Variants in PCDHGA7 observed in about 807,000 individuals in gnomAD.
PCDHGA7 encodes the protein protocadherin gamma-A7.
Under a neutral mutation model 58.3 loss-of-function variants are expected in PCDHGA7, and 44 were observed. That is an observed-to-expected ratio of 0.75 (90% CI 0.59 to 0.97). The LOEUF is 0.97. Among genes scored for constraint, PCDHGA7 ranks in the 50% least tolerant of loss-of-function variants. The pLI is 0.00. For synonymous variants in PCDHGA7, 516 were observed against 504.2 expected, an observed-to-expected ratio of 1.02 and a Z score of -0.31; for missense variants, 1,266 against 1,188.7, an observed-to-expected ratio of 1.06 and a Z score of -0.96.
intron 1 of PCDHGA7, chr5:141,423,640 T>C: frequency 6.3e-7 from 1 of 1,597,848 alleles, no homozygotes; most frequent in Non-Finnish European, 8.5e-7. Flanking sequence ...TTTAGGCAAA[T>C]GTGACCCGAC....
chr5:141,436,519 C>A (rs770168763), intron 1 of PCDHGA7, among the ~76,000 whole-genome samples: 2 of 152,140 alleles, frequency 1.3e-5, no homozygotes, highest in African/African-American at 2.4e-5. Context: ...TTAACTGTGT[C>A]ACCTTTAGCA....
Position 141,383,433 on chromosome 5 carries a change from C to T in PCDHGA7, c.534C>T (p.Phe178=). ...ACCAGCTCAGCCCCAATCGCCACTT[C>T]TCCCTGGCTGTGCAAAGTGGAGACG... ...QSYQLSPNRH[F]SLAVQSGDDE... is the part of the protein sequence containing the mutation. The change falls in exon 1 of 4, where the codon TTC becomes TTT. Residue 178 remains phenylalanine (F), a synonymous_variant. Coordinates refer to ENST00000518325, the MANE Select transcript of PCDHGA7 (RefSeq NM_018920.4). The T allele has an allele frequency of 6.2e-7, 1 of 1,613,986 alleles. No individual in the cohort carries two copies. The highest frequency in any genetic ancestry group is 2.2e-5 in the East Asian group (1 of 44,876).
Position 141,385,309 on chromosome 5 carries a change from C to G in PCDHGA7, c.2410C>G (p.Leu804Val), listed in dbSNP as rs774342510. 6.2e-7 allele frequency: 1 copy of G among 1,612,276 alleles called. No individual in the cohort carries two copies. Among genetic ancestry groups the G allele is most frequent in the South Asian group, 1.1e-5 (1 of 90,790 alleles). The change falls in exon 1 of 4, where the codon CTG becomes GTG. Residue 804 changes from leucine (L) to valine (V), a missense_variant. By Grantham distance (32) the Leu-to-Val change is conservative. Coordinates refer to ENST00000518325, the MANE Select transcript of PCDHGA7 (RefSeq NM_018920.4). The stretch of plus-strand genomic sequence containing the variant: ...AGATTTTCAGGAATGTAAAGAAAAC[C>G]TGCCAAGTATTCAGGTGAGCCCAGC... Reference protein sequence around the residue: ...SVDFQECKENLPSIQQAPPNT... With the variant: ...SVDFQECKENVPSIQQAPPNT...
Position 141,489,213 on chromosome 5 carries a change from T to G in PCDHGA7, c.2425-5594T>G, listed in dbSNP as rs372898969. 11 of 1,473,392 alleles carry G rather than the reference T, an allele frequency of 7.5e-6. No homozygotes were observed. The highest frequency in any genetic ancestry group is 6.4e-6 in the Non-Finnish European group (7 of 1,091,332). 91.3% of individuals were successfully genotyped at this position (1,473,392 alleles called of 1,614,324 possible). On this transcript the variant is annotated intron_variant, in intron 1 of 3. Coordinates refer to ENST00000518325, the MANE Select transcript of PCDHGA7 (RefSeq NM_018920.4). This position sits in a 1 kb window ranked among gnomAD's most constrained non-coding sequence, Gnocchi z 4.5. Reference sequence around the variant, plus strand: ...ACCTTGGAGACAGGACAGCACAGACTTACTCTCCACAAAGGGACTTCTGGG... The same window carrying G: ...ACCTTGGAGACAGGACAGCACAGACGTACTCTCCACAAAGGGACTTCTGGG...
At chr5:141,418,057 G>A (rs2096216088) in intron 1 of PCDHGA7, 2 of 1,614,050 alleles carry the variant, frequency 1.2e-6, no homozygotes, top group East Asian at 4.5e-5. Context: ...CTCGCGAGCT[G>A]CGAGTGAGCG....
chr5:141,410,349 G>A, intron 1 of PCDHGA7: 1 of 1,613,994 alleles, frequency 6.2e-7, no homozygotes, highest in Non-Finnish European at 8.5e-7. Flanking sequence ...TTGCGCCTGC[G>A]ACGCTCTCTC....
chr5:141,388,871 C>G, intron 1 of PCDHGA7: 1 of 1,613,930 alleles, frequency 6.2e-7, no homozygotes, highest in Non-Finnish European at 8.5e-7. Flanking sequence ...TTGCGCAATG[C>G]ACAGTGGAGG....
At position 141,476,946 on chromosome 5, in the gene PCDHGA7, G is replaced by A; in HGVS notation, c.2425-17861G>A. ...ACGGATCTGGATGAAGGCCCCAACG[G>A]TGAAATTATTTACTCCTTCGGCAGC... On this transcript the variant is annotated intron_variant, in intron 1 of 3. Transcript: ENST00000518325. The surrounding 1 kb of genome is among the most constrained non-coding windows in gnomAD (Gnocchi z 7.6). The A allele has an allele frequency of 6.2e-7, 1 of 1,614,206 alleles. No individual in the cohort carries two copies. Among genetic ancestry groups the A allele is most frequent in the Non-Finnish European group, 8.5e-7 (1 of 1,180,044 alleles).
At position 141,393,369 on chromosome 5, in the gene PCDHGA7, G is replaced by A. The variant is rs748036677; in HGVS notation, c.2424+8046G>A. 19 of 1,613,962 alleles carry A rather than the reference G, an allele frequency of 1.2e-5. No homozygotes were observed. In the South Asian group the frequency reaches 2.0e-4, roughly 17 times the overall value. Reference sequence around the variant, plus strand: ...CTTCTCCCTGGACGTGCAGACTGGAGACAATGGAGCCATAAACCCAGAGCT... The same window carrying A: ...CTTCTCCCTGGACGTGCAGACTGGAAACAATGGAGCCATAAACCCAGAGCT... On this transcript the variant is annotated intron_variant, in intron 1 of 3. Coordinates refer to ENST00000518325, the MANE Select transcript of PCDHGA7 (RefSeq NM_018920.4).
chr5:141,456,122 C>A (rs1411002229), intron 1 of PCDHGA7, among the ~76,000 whole-genome samples: 1 of 152,176 alleles, frequency 6.6e-6, no homozygotes, highest in East Asian at 1.9e-4. Context: ...TGGTCTCCAT[C>A]TCCTGACCTC....
chr5:141,443,650 CA>C (rs2098397782), intron 1 of PCDHGA7, among the ~76,000 whole-genome samples: 1 of 152,150 alleles, frequency 6.6e-6, no homozygotes. Flanking sequence ...ATAATGTTAG[CA>C]TAGCATTTTA....
rs182682202 is a variant in PCDHGA7 at position 141,445,418 on chromosome 5, T to A, written c.2425-49389T>A. Among the ~76,000 whole-genome samples the A allele has an allele frequency of 2.2e-3, 335 of 152,310 alleles. 1 individual carries two copies. Among genetic ancestry groups the A allele is most frequent in the Middle Eastern group, 0.01 (3 of 294 alleles). Reference sequence around the variant, plus strand: ...ACAAATATTTATTAACTGTCTGCTATATGCAAGGCACTGACCTATGGACTA... The same window carrying A: ...ACAAATATTTATTAACTGTCTGCTAAATGCAAGGCACTGACCTATGGACTA... On this transcript the variant is annotated intron_variant, in intron 1 of 3. Transcript: ENST00000518325.
At chr5:141,435,516 C>T (rs2097767967) in intron 1 of PCDHGA7, among the ~76,000 whole-genome samples, 1 of 152,058 alleles carries the variant, frequency 6.6e-6, no homozygotes, top group Non-Finnish European at 1.5e-5. Context: ...CTAATGATGA[C>T]TTTGTGGAAT....
chr5:141,434,178 G>C (rs960680568), intron 1 of PCDHGA7, among the ~76,000 whole-genome samples: 1 of 152,178 alleles, frequency 6.6e-6, no homozygotes, highest in African/African-American at 2.4e-5. Flanking sequence ...TTATATCCAA[G>C]ATTTGTAATT....
At chr5:141,394,400 G>A (rs747087099) in intron 1 of PCDHGA7, 2 of 1,614,246 alleles carry the variant, frequency 1.2e-6, no homozygotes, top group South Asian at 2.2e-5. Flanking sequence ...GAGACCTGCA[G>A]CTACTGGTAA....
intron 1 of PCDHGA7, chr5:141,410,564 T>C: frequency 6.2e-7 from 1 of 1,612,612 alleles, no homozygotes; most frequent in Non-Finnish European, 8.5e-7. Context: ...TCCTGGAGCC[T>C]TAATTCCACC....
Position 141,383,394 on chromosome 5 carries a change from C to A in PCDHGA7, c.495C>A (p.Asn165Lys). Residue 165 changes from asparagine (N) to lysine (K), a missense_variant, in exon 1 of 4, where the codon AAC (asparagine) becomes AAA (lysine). Transcript: ENST00000518325. ...CTGGGGATCCAGATGTGGGCACGAA[C>A]TCCCTCCAGAGTTACCAGCTCAGCC... ...SEAGDPDVGT[N>K]SLQSYQLSPN... The A allele has an allele frequency of 1.2e-6, 2 of 1,614,036 alleles. No individual in the cohort carries two copies. Among genetic ancestry groups the A allele is most frequent in the Non-Finnish European group, 1.7e-6 (2 of 1,179,908 alleles).
chr5:141,418,247 G>A, intron 1 of PCDHGA7: 1 of 1,614,032 alleles, frequency 6.2e-7, no homozygotes, highest in Non-Finnish European at 8.5e-7. Context: ...TAATGACCAC[G>A]CCCCTCAATT....
chr5:141,453,204 C>T (rs1345502837), intron 1 of PCDHGA7, among the ~76,000 whole-genome samples: 1 of 152,260 alleles, frequency 6.6e-6, no homozygotes, highest in East Asian at 1.9e-4. Flanking sequence ...GCCTCAACCT[C>T]GTGCACTTAA....
Sources: allele counts gnomAD v4.1 joint callset (sites outside exome capture counted in the v4.1 genomes callset), GRCh38; gene constraint gnomAD v4.1.1; non-coding constraint Gnocchi (gnomAD v3.1); transcripts MANE v1.5; gene names NCBI Gene and HGNC (gene_info 2026-07-23, HGNC 2026-07-21).